The following DPP10 variants were observed in gnomAD, a reference collection of about 807,000 sequenced individuals.
The protein encoded by DPP10 is inactive dipeptidyl peptidase 10.
A neutral mutation model predicts 120.9 loss-of-function variants in DPP10; 33 were observed. The observed-to-expected ratio is 0.27, with a 90% CI of 0.21 to 0.37. DPP10 has a LOEUF of 0.37. DPP10 is among the 10% of genes least tolerant of loss of function. DPP10 has a pLI of 1.00. For missense variants in DPP10, 816 were observed against 942.8 expected (o/e 0.87, Z 1.76); for synonymous variants, 337 against 326.1 (o/e 1.03, Z -0.36).
At chr2:115,378,954 C>T (rs1195938188) in intron 3 of DPP10, among the ~76,000 whole-genome samples, 2 of 152,158 alleles carry the variant, frequency 1.3e-5, no homozygotes, top group African/African-American at 4.8e-5. Flanking sequence ...TTTGGTTTGC[C>T]ACTATTTTAT....
At chr2:115,203,927 T>C (rs977920922) in intron 1 of DPP10, among the ~76,000 whole-genome samples, 2 of 152,138 alleles carry the variant, frequency 1.3e-5, no homozygotes, top group African/African-American at 4.8e-5. Context: ...TATACTTAGT[T>C]GTGAGGAAGT....
In DPP10 at chr2:114,834,837, T is replaced by A. The variant is rs574794850; in HGVS notation, c.60+391999T>A. Among the ~76,000 whole-genome samples the A allele has an allele frequency of 1.5e-4, 21 of 139,180 alleles. 1 individual carries two copies. The highest frequency in any genetic ancestry group is 7.0e-4 in the African/African-American group (21 of 30,094). The allele number at this position is 139,180 out of a possible 152,430, so 91.3% of individuals were successfully genotyped here. ...CCATGTCTACACACCTATGTATATA[T>A]AAGCCATGTCTACACACCTATGTAT... is the stretch of plus-strand genomic sequence containing the variant. On this transcript the variant is annotated intron_variant, in intron 1 of 25. Coordinates refer to ENST00000410059, the MANE Select transcript of DPP10 (RefSeq NM_020868.6).
intron 1 of DPP10, among the ~76,000 whole-genome samples, chr2:114,945,993 C>A (rs923372658): frequency 6.6e-6 from 1 of 152,134 alleles, no homozygotes; most frequent in African/African-American, 2.4e-5. Context: ...TGATGACATT[C>A]TACAAAACAC....
chr2:115,085,501 G>A (rs934356794), intron 1 of DPP10, among the ~76,000 whole-genome samples: 3 of 152,134 alleles, frequency 2.0e-5, no homozygotes, highest in Admixed American at 2.0e-4. Flanking sequence ...GAATAAATGA[G>A]TTTATAGATA....
chr2:114,717,814 A>G (rs1701450861), intron 1 of DPP10, among the ~76,000 whole-genome samples: 2 of 152,206 alleles, frequency 1.3e-5, no homozygotes, highest in South Asian at 4.1e-4. Flanking sequence ...AGCTGGAACT[A>G]GAAATTCAGG....
chr2:115,445,484 T>C (rs2072493106), intron 3 of DPP10, among the ~76,000 whole-genome samples: 1 of 152,116 alleles, frequency 6.6e-6, no homozygotes, highest in African/African-American at 2.4e-5. Flanking sequence ...GAGGTGATCT[T>C]AGATGAACAG....
chr2:115,789,336 C>G (rs1683691695), intron 17 of DPP10, among the ~76,000 whole-genome samples: 1 of 152,122 alleles, frequency 6.6e-6, no homozygotes, highest in South Asian at 2.1e-4. Flanking sequence ...TTGCTATAAC[C>G]TTCAACAAAC....
At chr2:114,639,535 C>A (rs1172748651) in intron 1 of DPP10, among the ~76,000 whole-genome samples, 2 of 151,824 alleles carry the variant, frequency 1.3e-5, no homozygotes, top group African/African-American at 4.9e-5. Context: ...GGTTGAAAAA[C>A]TACTTATTGA....
At chr2:115,572,642 A>G (rs573675945) in intron 5 of DPP10, among the ~76,000 whole-genome samples, 2 of 152,304 alleles carry the variant, frequency 1.3e-5, no homozygotes, top group East Asian at 1.9e-4. Context: ...TCTGATCTAG[A>G]TAAGAGTCAT....
intron 1 of DPP10, among the ~76,000 whole-genome samples, chr2:114,502,859 T>C (rs1039462066): frequency 6.6e-6 from 1 of 152,200 alleles, no homozygotes; most frequent in Non-Finnish European, 1.5e-5. Context: ...TCTATGCAAA[T>C]TGAGATCAGA....
At chr2:114,688,649 A>G (rs1699526378) in intron 1 of DPP10, among the ~76,000 whole-genome samples, 1 of 152,012 alleles carries the variant, frequency 6.6e-6, no homozygotes, top group Admixed American at 6.6e-5. Context: ...TGCGGAAGAA[A>G]GCAAGCTGTA....
chr2:114,670,248 T>C (rs1266822560), intron 1 of DPP10, among the ~76,000 whole-genome samples: 1 of 152,102 alleles, frequency 6.6e-6, no homozygotes, highest in African/African-American at 2.4e-5. Flanking sequence ...CTATTCACAA[T>C]AGCAAAGACT....
chr2:115,748,103 CTCTCT>C (rs1678232273), intron 10 of DPP10, among the ~76,000 whole-genome samples: 1 of 151,920 alleles, frequency 6.6e-6, no homozygotes, highest in Admixed American at 6.6e-5. Flanking sequence ...ATCAAATGTC[CTCTCT>C]TCTCTTTGAT....
intron 1 of DPP10, among the ~76,000 whole-genome samples, chr2:114,929,043 G>T (rs1180393924): frequency 2.6e-5 from 4 of 152,100 alleles, no homozygotes; most frequent in Non-Finnish European, 4.4e-5. Context: ...TTTACAGCTG[G>T]GCCTCCAGGG....
chr2:115,308,786 A>G (rs2061465576), intron 1 of DPP10, among the ~76,000 whole-genome samples: 1 of 149,970 alleles, frequency 6.7e-6, no homozygotes, highest in African/African-American at 2.5e-5. Context: ...GCAGTGAGGG[A>G]CATTTTGAAT....
intron 1 of DPP10, among the ~76,000 whole-genome samples, chr2:114,799,182 T>C (rs186790966): frequency 1.3e-5 from 2 of 152,288 alleles, no homozygotes; most frequent in Admixed American, 6.5e-5. Flanking sequence ...CAGAGATAAA[T>C]GGAGAGTACA....
chr2:114,638,472 A>G (rs1442677915), intron 1 of DPP10, among the ~76,000 whole-genome samples: 1 of 151,940 alleles, frequency 6.6e-6, no homozygotes, highest in African/African-American at 2.4e-5. Flanking sequence ...AAGGGCATGA[A>G]CAGACACTTC....
At chr2:115,408,564 G>A (rs2068703564) in intron 3 of DPP10, among the ~76,000 whole-genome samples, 1 of 152,100 alleles carries the variant, frequency 6.6e-6, no homozygotes, top group Non-Finnish European at 1.5e-5. Context: ...GGGACCATAT[G>A]CTAAGCATTA....
intron 5 of DPP10, among the ~76,000 whole-genome samples, chr2:115,649,340 A>G (rs1161369915): frequency 6.6e-6 from 1 of 152,144 alleles, no homozygotes. Context: ...GTAAGACAAG[A>G]GTTTATTATG....
Sources: allele counts gnomAD v4.1 joint callset (sites outside exome capture counted in the v4.1 genomes callset), GRCh38; gene constraint gnomAD v4.1.1; transcripts MANE v1.5; gene names NCBI Gene and HGNC (gene_info 2026-07-23, HGNC 2026-07-21).